Variants in CYP24A1 observed in about 807,000 individuals in gnomAD.
CYP24A1 encodes the protein cytochrome P450 family 24 subfamily A member 1.
Under a neutral mutation model 62.4 loss-of-function variants are expected in CYP24A1, and 68 were observed. That is an observed-to-expected ratio of 1.09 (90% confidence interval 0.90 to 1.33). The LOEUF is 1.33. Ranked by LOEUF, CYP24A1 falls within the 40% of genes most tolerant of loss-of-function variation. The pLI is 0.00. For synonymous variants in CYP24A1, 267 were observed against 253.0 expected, an observed-to-expected ratio of 1.06 and a Z score of -0.52; for missense variants, 787 against 653.0, an observed-to-expected ratio of 1.21 and a Z score of -2.24.
chr20:54,162,746 T>C lies in CYP24A1; in HGVS notation c.961A>G (p.Thr321Ala). The change falls in exon 7 of 12, where the codon ACA (threonine) becomes GCA (alanine). Residue 321 changes from threonine (T) to alanine (A), a missense_variant. Physicochemically the swap from Thr to Ala is moderately conservative, Grantham distance 58. Coordinates refer to ENST00000216862, the MANE Select transcript of CYP24A1 (RefSeq NM_000782.5). ...LSKKELYAAV[T>A]ELQLAAVETT... ...TCCACCGCAGCCAGCTGGAGCTCTG[T>C]GACAGCAGCATACAATTCTTTCTTT... The C allele has an allele frequency of 6.2e-7, 1 of 1,602,090 alleles. No individual in the cohort carries two copies. The highest frequency in any genetic ancestry group is 8.6e-7 in the Non-Finnish European group (1 of 1,169,276).
At chr20:54,150,566 T>C (rs1029287428), downstream of CYP24A1, among the ~76,000 whole-genome samples, 10 of 152,278 alleles carry the variant, frequency 6.6e-5, no homozygotes, top group East Asian at 7.7e-4. Flanking sequence ...CCTCAGGTGA[T>C]CCATCGGCCT....
intron 7 of CYP24A1, among the ~76,000 whole-genome samples, chr20:54,161,983 C>G (rs1008856749): frequency 6.6e-6 from 1 of 152,184 alleles, no homozygotes; most frequent in Admixed American, 6.5e-5. Flanking sequence ...CATCACAGCT[C>G]GAACTAGTAT....
intron 2 of CYP24A1, among the ~76,000 whole-genome samples, chr20:54,172,240 C>T (rs970263881): frequency 6.6e-6 from 1 of 152,068 alleles, no homozygotes. Context: ...TGTGAAGCAC[C>T]GTGAATTAAT....
intron 7 of CYP24A1, among the ~76,000 whole-genome samples, chr20:54,161,995 C>T (rs1397185881): frequency 6.6e-6 from 1 of 152,156 alleles, no homozygotes; most frequent in African/African-American, 2.4e-5. Flanking sequence ...AACTAGTATC[C>T]AAGTCAATTA....
downstream of CYP24A1, among the ~76,000 whole-genome samples, chr20:54,150,086 C>T (rs570115524): frequency 3.3e-5 from 5 of 152,246 alleles, no homozygotes; most frequent in African/African-American, 7.2e-5. Context: ...TTAAGGTCAT[C>T]GCTAAGGTCT....
At chr20:54,158,907 C>T (rs751670074) in intron 8 of CYP24A1, 50 bp downstream of exon 8, 35 of 1,613,892 alleles carry the variant, frequency 2.2e-5, no homozygotes, top group Middle Eastern at 3.3e-4. Context: ...TTTGTGTTTA[C>T]GAGAACAGTG....
At chr20:54,158,340 T>C (rs2092637259) in intron 8 of CYP24A1, among the ~76,000 whole-genome samples, 176 bp from the exon 9 acceptor site, 1 of 152,242 alleles carries the variant, frequency 6.6e-6, no homozygotes, top group Non-Finnish European at 1.5e-5. Flanking sequence ...TTGTATCTCT[T>C]GTTCCTCTCA....
chr20:54,157,312 A>T lies in CYP24A1; in HGVS notation c.1435-23T>A. On this transcript the variant is annotated intron_variant, in intron 10 of 11. Transcript: ENST00000216862. ...AATCTGTAATGCACACGCACACAAA[A>T]ACAGAATTACCCCTCTCTTCTTCTG... The T allele has an allele frequency of 2.0e-6, 3 of 1,506,886 alleles. No individual in the cohort carries two copies. The South Asian group carries it at 3.4e-5, about 17-fold the overall frequency. The allele number at this position is 1,506,886 out of a possible 1,614,324, so 93.3% of individuals were successfully genotyped here. A position where few individuals can be genotyped will look rare whatever the true frequency, so the allele number is the denominator to read the frequency against.
At chr20:54,168,857 TC>T in intron 4 of CYP24A1, among the ~76,000 whole-genome samples, 1 of 38,122 alleles carries the variant, frequency 2.6e-5, no homozygotes, top group Admixed American at 2.5e-4. Context: ...CTTCCTTCCT[TC>T]CTTCCTTCCT....
chr20:54,168,004 T>C (rs1005565421), intron 4 of CYP24A1, among the ~76,000 whole-genome samples: 2 of 152,200 alleles, frequency 1.3e-5, no homozygotes, highest in Admixed American at 6.5e-5. Context: ...ATGAGCTGGC[T>C]GCTGGCCCTC....
At chr20:54,163,596 T>A (rs2092660449) in intron 6 of CYP24A1, among the ~76,000 whole-genome samples, 1 of 152,176 alleles carries the variant, frequency 6.6e-6, no homozygotes, top group Non-Finnish European at 1.5e-5. Flanking sequence ...CAGGTACCCC[T>A]CTCAGGGCTA....
chr20:54,158,075 A>T lies in CYP24A1; in HGVS notation c.1236+11T>A, dbSNP rs1299240110. 1 of 1,613,320 alleles carries T rather than the reference A, an allele frequency of 6.2e-7. No homozygotes were observed. The highest frequency in any genetic ancestry group is 1.1e-5 in the South Asian group (1 of 91,076). The stretch of plus-strand genomic sequence containing the variant: ...GTTTTGTAAGGTATAGAATATACAA[A>T]TTCTACTTACTCCTTTGGGTAAAGC... On this transcript the variant is annotated intron_variant, in intron 9 of 11. Transcript: ENST00000216862.
rs1169532740 is a variant in CYP24A1, at chr20:54,169,587, C to T, written c.640+5G>A. ...TCAGTGAGCAAGTCTGTGACGACAA[C>T]TTACTTTCAAACGACCATTTGTTCA... On this transcript the variant is annotated splice_donor_5th_base_variant and intron_variant, in intron 4 of 11. Coordinates refer to ENST00000216862, the MANE Select transcript of CYP24A1 (RefSeq NM_000782.5). 6.2e-7 allele frequency: 1 copy of T among 1,614,128 alleles called. No homozygotes were observed.
the CYP24A1 span, among the ~76,000 whole-genome samples, chr20:54,144,707 G>A: frequency 7.3e-5 from 11 of 149,660 alleles, no homozygotes; most frequent in Non-Finnish European, 1.3e-4. Context: ...TTAATAAGAA[G>A]CCCTCCTTTT....
At position 54,159,078 on chromosome 20, in the gene CYP24A1, G is replaced by A; in HGVS notation, c.1036C>T (p.Pro346Ser). 6.2e-7 allele frequency: 1 copy of A among 1,613,988 alleles called. No individual in the cohort carries two copies. Among genetic ancestry groups the A allele is most frequent in the Non-Finnish European group, 8.5e-7 (1 of 1,179,884 alleles). Reference protein sequence around the residue: ...MWILYNLSRNPQVQQKLLKEI... With the variant: ...MWILYNLSRNSQVQQKLLKEI... ...TTAAGAAGCTTTTGTTGCACTTGGGGATTACGGGATAAATTGTAGAGAATC... is the reference window on the plus strand; with the variant it reads ...TTAAGAAGCTTTTGTTGCACTTGGGAATTACGGGATAAATTGTAGAGAATC... The change falls in exon 8 of 12, where the codon CCC (proline) becomes TCC (serine). Residue 346 changes from proline (P) to serine (S), a missense_variant. Transcript: ENST00000216862.
chr20:54,173,067 G>A lies in CYP24A1; in HGVS notation c.291C>T (p.Phe97=), dbSNP rs2092699951. 1 of 1,605,682 alleles carries A rather than the reference G, an allele frequency of 6.2e-7. No individual in the cohort carries two copies. Among genetic ancestry groups the A allele is most frequent in the African/African-American group, 1.3e-5 (1 of 74,952 alleles). Residue 97 remains phenylalanine, a synonymous_variant, in exon 2 of 12, where the codon TTC becomes TTT. Transcript: ENST00000216862. The surrounding 1 kb of genome is among the most constrained non-coding windows in gnomAD (Gnocchi z 7.2). The part of the protein sequence containing the change: ...VEYHKKYGKI[F]RMKLGSFESV... ...ACTCAAAGGAACCCAACTTCATGCG[G>A]AAAATCTTGCCATACTTCTTGTGGT...
Position 54,173,558 on chromosome 20 carries a change from T to TCTTG in CYP24A1, c.18_21dup (p.Ser8GlnfsTer99). On this transcript the variant is annotated frameshift_variant, in exon 1 of 12. Coordinates refer to ENST00000216862, the MANE Select transcript of CYP24A1 (RefSeq NM_000782.5). LOFTEE classifies it high-confidence loss of function. This position sits in a 1 kb window ranked among gnomAD's most constrained non-coding sequence, Gnocchi z 7.2. ...TGCAGGAAGGCGGCAAGCGAGCGGC[T>TCTTG]CTTGCTGATGGGGGAGCTCATGGCA... is the stretch of plus-strand genomic sequence containing the variant. The TCTTG allele has an allele frequency of 6.3e-7, 1 of 1,581,498 alleles. No homozygotes were observed. The highest frequency in any genetic ancestry group is 8.6e-7 in the Non-Finnish European group (1 of 1,168,392).
At chr20:54,171,518 C>T in intron 3 of CYP24A1, 59 bp downstream of exon 3, 6 of 1,613,346 alleles carry the variant, frequency 3.7e-6, no homozygotes, top group South Asian at 1.1e-5. Flanking sequence ...TGACTTGAAG[C>T]TCCACCAATA....
At chr20:54,144,265 C>A in the CYP24A1 span, among the ~76,000 whole-genome samples, 1 of 150,760 alleles carries the variant, frequency 6.6e-6, no homozygotes. Context: ...GGCTAGAGTC[C>A]GGTGACATGA....
Sources: allele counts gnomAD v4.1 joint callset (sites outside exome capture counted in the v4.1 genomes callset), GRCh38; gene constraint gnomAD v4.1.1; non-coding constraint Gnocchi (gnomAD v3.1); transcripts MANE v1.5; gene names NCBI Gene and HGNC (gene_info 2026-07-23, HGNC 2026-07-21).